The following TMEM132B variants were observed in gnomAD, a reference collection of about 807,000 sequenced individuals.
TMEM132B encodes transmembrane protein 132B.
TMEM132B carries 18 observed loss-of-function variants against 90.8 expected under a neutral mutation model. The observed-to-expected ratio is 0.20, with a 90% CI of 0.14 to 0.29. The LOEUF (loss-of-function observed/expected upper bound fraction) is 0.29, where lower values mean the gene tolerates loss of function less well. Ranked by LOEUF, TMEM132B falls within the 10% of genes least tolerant of loss-of-function variation. The pLI, the probability that TMEM132B is intolerant of heterozygous loss-of-function variation, is 1.00. For synonymous variants in TMEM132B, 504 were observed against 523.3 expected, an observed-to-expected ratio of 0.96 and a Z score of 0.50; for missense variants, 1,096 against 1,326.8, an observed-to-expected ratio of 0.83 and a Z score of 2.70.
rs1034596539 is a variant in TMEM132B at position 125,308,629 on chromosome 12, T to A, written c.68-40823T>A. ...GATGTGAAAAACCTTTCTTTTTTTT[T>A]AATTGTAATTTTTATTTTGAGGAAT... On this transcript the variant is annotated intron_variant, in intron 1 of 8. Transcript: ENST00000682704. Among the ~76,000 whole-genome samples the A allele has an allele frequency of 1.1e-4, 16 of 152,304 alleles. 2 individuals are homozygous for A. The highest frequency in any genetic ancestry group is 1.0e-3 in the Admixed American group (16 of 15,292).
At chr12:125,506,935 G>A (rs1480585016) in intron 3 of TMEM132B, among the ~76,000 whole-genome samples, 1 of 152,272 alleles carries the variant, frequency 6.6e-6, no homozygotes, top group African/African-American at 2.4e-5. Flanking sequence ...TTACGTTTGT[G>A]TTTTTGAGAT....
intron 1 of TMEM132B, among the ~76,000 whole-genome samples, chr12:125,196,570 A>G (rs1429713827): frequency 6.6e-6 from 1 of 152,224 alleles, no homozygotes; most frequent in African/African-American, 2.4e-5. Flanking sequence ...TTAGCTGGGC[A>G]TGGTGGTACA....
chr12:125,416,201 C>T (rs146088577), intron 3 of TMEM132B, among the ~76,000 whole-genome samples: 2 of 152,296 alleles, frequency 1.3e-5, no homozygotes, highest in Non-Finnish European at 2.9e-5. Context: ...GAGGTGATCA[C>T]GTGTCACCTC....
At chr12:125,437,278 G>A (rs1400836187) in intron 3 of TMEM132B, among the ~76,000 whole-genome samples, 3 of 152,152 alleles carry the variant, frequency 2.0e-5, no homozygotes, top group South Asian at 2.1e-4. Flanking sequence ...TGATGCTGGC[G>A]GATCTGAAAT....
chr12:125,307,482 A>T (rs1430960720), intron 1 of TMEM132B, among the ~76,000 whole-genome samples: 1 of 152,090 alleles, frequency 6.6e-6, no homozygotes, highest in Non-Finnish European at 1.5e-5. Flanking sequence ...ACCTCTTAGG[A>T]CCGTTGTTGG....
chr12:125,491,759 G>A (rs1011004290), intron 3 of TMEM132B, among the ~76,000 whole-genome samples: 19 of 152,272 alleles, frequency 1.2e-4, no homozygotes, highest in East Asian at 3.9e-4. Flanking sequence ...ATCGATAGGC[G>A]TTTGTTTGTT....
chr12:125,191,954 G>C (rs997727123), intron 1 of TMEM132B, among the ~76,000 whole-genome samples: 1 of 152,196 alleles, frequency 6.6e-6, no homozygotes, highest in African/African-American at 2.4e-5. Context: ...ATGGTGTGCT[G>C]ATGCGTGAGG....
chr12:125,278,501 A>G (rs1875069011), intron 1 of TMEM132B, among the ~76,000 whole-genome samples: 1 of 149,070 alleles, frequency 6.7e-6, no homozygotes, highest in East Asian at 1.9e-4. Context: ...TTTAAGATAA[A>G]TGGAGTAATA....
intron 7 of TMEM132B, among the ~76,000 whole-genome samples, 182 bp downstream of exon 7, chr12:125,651,135 A>G (rs779569981): frequency 5.9e-5 from 9 of 152,344 alleles, no homozygotes; most frequent in South Asian, 2.1e-4. Flanking sequence ...TAGAGCATTC[A>G]CCAATTTTAA....
intron 2 of TMEM132B, among the ~76,000 whole-genome samples, chr12:125,388,810 A>G (rs895536164): frequency 6.6e-6 from 1 of 152,204 alleles, no homozygotes; most frequent in Admixed American, 6.5e-5. Flanking sequence ...ACACATGTGG[A>G]TATTGTTTCT....
chr12:125,300,745 C>G (rs1048003917), intron 1 of TMEM132B, among the ~76,000 whole-genome samples: 1 of 152,130 alleles, frequency 6.6e-6, no homozygotes, highest in African/African-American at 2.4e-5. Flanking sequence ...GAGTAACTTG[C>G]CCGAGGCCAC....
At chr12:125,284,448 G>T (rs1002656583) in intron 1 of TMEM132B, among the ~76,000 whole-genome samples, 1 of 152,174 alleles carries the variant, frequency 6.6e-6, no homozygotes, top group Non-Finnish European at 1.5e-5. Flanking sequence ...CCCCGCTGCC[G>T]TGGAGCAGGG....
At chr12:125,334,797 G>C (rs7132199) in intron 1 of TMEM132B, among the ~76,000 whole-genome samples, 74,735 of 152,148 alleles carry the variant, frequency 0.49, 19,184 homozygotes, top group East Asian at 0.64. Flanking sequence ...CTCTGCTTCT[G>C]TGCCATGCAC....
intron 4 of TMEM132B, among the ~76,000 whole-genome samples, chr12:125,557,146 A>C (rs887957399): frequency 1.3e-5 from 2 of 152,130 alleles, no homozygotes; most frequent in African/African-American, 2.4e-5. Flanking sequence ...ATGCATGCTA[A>C]TGTATACACA....
At chr12:125,457,908 G>T (rs1344223185) in intron 3 of TMEM132B, among the ~76,000 whole-genome samples, 2 of 152,196 alleles carry the variant, frequency 1.3e-5, no homozygotes, top group African/African-American at 4.8e-5. Flanking sequence ...TGGACAGGCA[G>T]GTGGAGATGA....
chr12:125,363,503 G>C (rs191423967), intron 2 of TMEM132B, among the ~76,000 whole-genome samples: 1 of 152,314 alleles, frequency 6.6e-6, no homozygotes, highest in Admixed American at 6.5e-5. Context: ...CTATGAGATA[G>C]AGCTGGCAGT....
chr12:125,601,508 AC>A (rs2136920224), intron 5 of TMEM132B, among the ~76,000 whole-genome samples: 1 of 152,346 alleles, frequency 6.6e-6, no homozygotes, highest in Non-Finnish European at 1.5e-5. Flanking sequence ...CACATTAGAA[AC>A]CTAGAAAGAT....
At chr12:125,235,391 CCAG>C (rs1207139618) in intron 1 of TMEM132B, among the ~76,000 whole-genome samples, 1 of 152,062 alleles carries the variant, frequency 6.6e-6, no homozygotes, top group Non-Finnish European at 1.5e-5. Flanking sequence ...CCTCTTCCTT[CCAG>C]CTGGCTGATT....
intron 1 of TMEM132B, among the ~76,000 whole-genome samples, chr12:125,266,646 T>G (rs1053515576): frequency 6.6e-6 from 1 of 152,172 alleles, no homozygotes; most frequent in African/African-American, 2.4e-5. Context: ...CAGGTTTGGG[T>G]TGGGTTAGGC....
Sources: allele counts gnomAD v4.1 joint callset (sites outside exome capture counted in the v4.1 genomes callset), GRCh38; gene constraint gnomAD v4.1.1; transcripts MANE v1.5; gene names NCBI Gene and HGNC (gene_info 2026-07-23, HGNC 2026-07-21).